SLC4A1: variants seen among roughly 807,000 people sequenced by gnomAD.
SLC4A1 encodes the protein solute carrier family 4 member 1 (Diego blood group), also known as band 3 anion transport protein.
Under a neutral mutation model 93.1 loss-of-function variants are expected in SLC4A1, and 29 were observed. That is an observed-to-expected ratio of 0.31 (90% CI 0.23 to 0.42). SLC4A1 has a LOEUF of 0.42. Ranked by LOEUF, SLC4A1 falls within the 20% of genes least tolerant of loss-of-function variation. The pLI, the probability that SLC4A1 is intolerant of heterozygous loss-of-function variation, is 1.00. For synonymous variants in SLC4A1, 469 were observed against 497.2 expected (o/e 0.94, Z 0.76); for missense variants, 965 against 1,190.1 (o/e 0.81, Z 2.78).
intron 3 of SLC4A1, chr17:44,262,096 T>TTCCCACCAC: frequency 9.3e-7 from 1 of 1,078,506 alleles, no homozygotes; most frequent in Non-Finnish European, 1.1e-6. Flanking sequence ...GCCCCTTATA[T>TTCCCACCAC]TCCCACCCCT....
Position 44,258,605 on chromosome 17 carries a change from A to C in SLC4A1, c.895T>G (p.Tyr299Asp). 1 of 1,605,620 alleles carries C rather than the reference A, an allele frequency of 6.2e-7. No homozygotes were observed. The highest frequency in any genetic ancestry group is 8.5e-7 in the Non-Finnish European group (1 of 1,176,644). Residue 299 changes from tyrosine (Y) to aspartate (D), a missense_variant, in exon 10 of 20, where the codon TAC (tyrosine) becomes GAC (aspartate). By Grantham distance (160) the Tyr-to-Asp change is radical. This residue lies in a region of SLC4A1 where 770 missense variants were observed against 1,006.6 expected (regional missense o/e 0.76). Coordinates refer to ENST00000262418, the MANE Select transcript of SLC4A1 (RefSeq NM_000342.4). The surrounding 1 kb of genome is among the most constrained non-coding windows in gnomAD (Gnocchi z 6.1). Reference sequence around the variant, plus strand: ...AGCTCCCCTCGGCTCTGAGCCATGTAGGCATCTATGCGGAACACCTAGGGG... The same window carrying C: ...AGCTCCCCTCGGCTCTGAGCCATGTCGGCATCTATGCGGAACACCTAGGGG... Reference protein sequence around the residue: ...MSERVFRIDAYMAQSRGELLH... With the variant: ...MSERVFRIDADMAQSRGELLH...
intron 1 of SLC4A1, among the ~76,000 whole-genome samples, chr17:44,263,690 CTCCTTCCCTCCCTTCCCTCCT>C (rs1176949382): frequency 7.1e-6 from 1 of 140,850 alleles, no homozygotes; most frequent in Non-Finnish European, 1.5e-5. Context: ...TTTTCCCTCC[CTCCTTCCCTCCCTTCCCTCCT>C]TCCTTCCTTC....
rs2144594183 is a variant in SLC4A1 at position 44,250,267 on chromosome 17, G to C, written c.*191C>G. On this transcript the variant is annotated 3_prime_UTR_variant, in exon 20 of 20. Coordinates refer to ENST00000262418, the MANE Select transcript of SLC4A1 (RefSeq NM_000342.4). The stretch of plus-strand genomic sequence containing the variant: ...ATGTGGGCCCCATCGGCCATCCCCA[G>C]CCAGAAAAGCCAGGCTACCCTTTGT... 1 of 591,962 alleles carries C rather than the reference G, an allele frequency of 1.7e-6. No homozygotes were observed. Among genetic ancestry groups the C allele is most frequent in the Admixed American group, 2.7e-5 (1 of 37,538 alleles). The allele number at this position is 591,962 out of a possible 1,614,324, so 36.7% of individuals were successfully genotyped here. A position where few individuals can be genotyped will look rare whatever the true frequency, so the allele number is the denominator to read the frequency against.
In SLC4A1 at chr17:44,261,600, G is replaced by C. The variant is rs2047445262; in HGVS notation, c.143C>G (p.Thr48Ser). The C allele has an allele frequency of 6.2e-7, 1 of 1,614,074 alleles. No homozygotes were observed. Among genetic ancestry groups the C allele is most frequent in the Non-Finnish European group, 8.5e-7 (1 of 1,180,014 alleles). ...CTTGTGGGTACCCGGGTGTGATGTG[G>C]TGTGGTAGTCTGTGGCTGTTGCCTC... ...DTEATATDYH[T>S]TSHPGTHKVY... Residue 48 changes from threonine to serine, a missense_variant, in exon 4 of 20, where the codon ACC becomes AGC. Physicochemically the swap from Thr to Ser is moderately conservative, Grantham distance 58 (BLOSUM62 1). Coordinates refer to ENST00000262418, the MANE Select transcript of SLC4A1 (RefSeq NM_000342.4).
At chr17:44,260,611 T>A in intron 5 of SLC4A1, 24 bp downstream of exon 5, 1 of 1,613,802 alleles carries the variant, frequency 6.2e-7, no homozygotes, top group South Asian at 1.1e-5. Flanking sequence ...CTGCAGGGGG[T>A]CCAGAAGGGC....
Position 44,261,587 on chromosome 17 carries a change from C to G in SLC4A1, c.156G>C (p.Pro52=). The change falls in exon 4 of 20, where the codon CCG becomes CCC. Residue 52 remains proline (P), a synonymous_variant. Transcript: ENST00000262418. ...CTGGGGTCCTCACCTTGTGGGTACC[C>G]GGGTGTGATGTGGTGTGGTAGTCTG... The part of the protein sequence containing the change: ...TATDYHTTSH[P]GTHKVYVELQ... 1 of 1,614,114 alleles carries G rather than the reference C, an allele frequency of 6.2e-7. No individual in the cohort carries two copies. Among genetic ancestry groups the G allele is most frequent in the African/African-American group, 1.3e-5 (1 of 75,022 alleles).
At chr17:44,259,049 T>C in intron 9 of SLC4A1, 114 bp downstream of exon 9, 2 of 1,113,636 alleles carry the variant, frequency 1.8e-6, no homozygotes, top group South Asian at 1.3e-5. Context: ...TGGATTAGGC[T>C]GAATGGGTCA....
chr17:44,255,481 C>A (rs1224064315), intron 14 of SLC4A1, among the ~76,000 whole-genome samples, 185 bp from the exon 15 acceptor site: 5 of 152,264 alleles, frequency 3.3e-5, no homozygotes, highest in Admixed American at 3.3e-4. Context: ...TCAGGCTGGG[C>A]ATGCCATGAA....
intron 17 of SLC4A1, 96 bp downstream of exon 17, chr17:44,253,022 T>G (rs532401220): frequency 1.5e-6 from 2 of 1,301,418 alleles, no homozygotes; most frequent in East Asian, 4.7e-5. Context: ...TGGGGGAGGC[T>G]GGAGGAGGTG....
Position 44,254,552 on chromosome 17 carries a change from G to T in SLC4A1, c.2001C>A (p.Ser667=). The T allele has an allele frequency of 6.2e-7, 1 of 1,614,088 alleles. No individual in the cohort carries two copies. The highest frequency in any genetic ancestry group is 1.3e-5 in the African/African-American group (1 of 75,052). The change falls in exon 16 of 20, where the codon TCC becomes TCA. Residue 667 remains serine (S), a synonymous_variant. Coordinates refer to ENST00000262418, the MANE Select transcript of SLC4A1 (RefSeq NM_000342.4). The part of the protein sequence containing the change: ...SEFPIWMMFA[S]ALPALLVFIL... ...TGAAGACCAGCAGAGCAGGCAGGGC[G>T]GAGGCAAACATCATCCAGATGGGAA...
Position 44,257,377 on chromosome 17 carries a change from G to C in SLC4A1, c.1599C>G (p.Ile533Met), listed in dbSNP as rs1567831874. Residue 533 changes from isoleucine to methionine, a missense_variant, in exon 13 of 20, where the codon ATC becomes ATG. Ile to Met is a conservative substitution (Grantham distance 10, BLOSUM62 1). Transcript: ENST00000262418. ...IFSFLISLIF[I>M]YETFSKLIKI... ...TGATCAGCTTGGAGAAAGTCTCATA[G>C]ATGAAGATGAGGGAAATGAGGAAGG... 3 of 1,614,068 alleles carry C rather than the reference G, an allele frequency of 1.9e-6. No individual in the cohort carries two copies. The highest frequency in any genetic ancestry group is 2.5e-6 in the Non-Finnish European group (3 of 1,180,024).
At chr17:44,254,705 A>G in intron 15 of SLC4A1, 43 bp from the exon 16 acceptor site, 1 of 1,598,650 alleles carries the variant, frequency 6.3e-7, no homozygotes, top group Non-Finnish European at 8.6e-7. Context: ...GGGCAGGAGG[A>G]TGGGGAAGGG....
At chr17:44,256,993 CTTT>C (rs1279174931) in intron 13 of SLC4A1, among the ~76,000 whole-genome samples, 24 of 142,352 alleles carry the variant, frequency 1.7e-4, no homozygotes, top group Admixed American at 1.2e-3. Flanking sequence ...ATGGCTCAGT[CTTT>C]TTTTTTTTTT....
chr17:44,261,747 A>T lies in SLC4A1; in HGVS notation c.107-111T>A. Reference sequence around the variant, plus strand: ...GCATGGGCAGATGCCCCTCCTTCCCAGTGCCCTGGGCTGGGTCTCTGGTGC... The same window carrying T: ...GCATGGGCAGATGCCCCTCCTTCCCTGTGCCCTGGGCTGGGTCTCTGGTGC... On this transcript the variant is annotated intron_variant, in intron 3 of 19. Transcript: ENST00000262418. 4 of 1,587,008 alleles carry T rather than the reference A, an allele frequency of 2.5e-6. No individual in the cohort carries two copies. In the South Asian group the frequency reaches 4.5e-5, roughly 18 times the overall value.
intron 17 of SLC4A1, 132 bp from the exon 18 acceptor site, chr17:44,251,720 CTTTTTTTTTTTTTTTTTTTG>C (rs1327628027): frequency 5.6e-6 from 2 of 359,772 alleles, no homozygotes; most frequent in African/African-American, 6.2e-5. Context: ...CTTTTCTTTT[CTTTTTTTTTTTTTTTTTTTG>C]TTTTTTTTTT....
intron 6 of SLC4A1, 74 bp from the exon 7 acceptor site, chr17:44,260,006 G>A: frequency 6.3e-7 from 1 of 1,588,074 alleles, no homozygotes; most frequent in African/African-American, 1.3e-5. Flanking sequence ...GGGATCAAGG[G>A]CGAACATCAA....
intron 1 of SLC4A1, among the ~76,000 whole-genome samples, chr17:44,265,527 G>C (rs889105565): frequency 6.6e-6 from 1 of 151,656 alleles, no homozygotes; most frequent in Non-Finnish European, 1.5e-5. Flanking sequence ...CCGCCACCAC[G>C]CCCAGCTAAT....
chr17:44,262,214 A>C, intron 3 of SLC4A1: 1 of 363,590 alleles, frequency 2.8e-6, no homozygotes, highest in South Asian at 4.7e-5. Context: ...CTCCCCACCT[A>C]AGACCTTGGA....
At position 44,251,506 on chromosome 17, in the gene SLC4A1, C is replaced by A. The variant is rs1214093885; in HGVS notation, c.2394G>T (p.Thr798=). The change falls in exon 18 of 20, where the codon ACG becomes ACT. Residue 798 remains threonine (T), a synonymous_variant. Coordinates refer to ENST00000262418, the MANE Select transcript of SLC4A1 (RefSeq NM_000342.4). The part of the protein sequence containing the change: ...LFGIFLYMGV[T]SLSGIQLFDR... ...CAAAGAGCTGGATGCCGCTGAGCGA[C>A]GTGACCCCCATGTAGAGGAAGATGC... 1 of 1,614,134 alleles carries A rather than the reference C, an allele frequency of 6.2e-7. No individual in the cohort carries two copies. The highest frequency in any genetic ancestry group is 8.5e-7 in the Non-Finnish European group (1 of 1,180,018).
Sources: allele counts gnomAD v4.1 joint callset (sites outside exome capture counted in the v4.1 genomes callset), GRCh38; gene constraint gnomAD v4.1.1; regional missense constraint gnomAD v4.1.1; non-coding constraint Gnocchi (gnomAD v3.1); transcripts MANE v1.5; gene names NCBI Gene and HGNC (gene_info 2026-07-23, HGNC 2026-07-21).